ADAMTS17: variants seen among roughly 807,000 people sequenced by gnomAD.
The protein encoded by ADAMTS17 is ADAM metallopeptidase with thrombospondin type 1 motif 17, also known as A disintegrin and metalloproteinase with thrombospondin motifs 17.
Under a neutral mutation model 141.5 loss-of-function variants are expected in ADAMTS17, and 113 were observed. The ratio of observed to expected loss-of-function variants is 0.80; its 90% CI spans 0.69 to 0.93. The LOEUF (loss-of-function observed/expected upper bound fraction) is 0.93. Ranked by LOEUF, ADAMTS17 falls within the 40% of genes least tolerant of loss-of-function variation. The probability of loss-of-function intolerance (pLI) is 0.00; values close to 1 mark genes in which losing one functional copy is unlikely to be tolerated. For synonymous variants in ADAMTS17, 768 were observed against 630.6 expected (o/e 1.22, Z -3.27); for missense variants, 1,659 against 1,517.9 (o/e 1.09, Z -1.54).
chr15:100,053,268 C>A (rs910505703), intron 16 of ADAMTS17, among the ~76,000 whole-genome samples: 1 of 152,308 alleles, frequency 6.6e-6, no homozygotes, highest in South Asian at 2.1e-4. Context: ...AAGGAGGCAT[C>A]ACTGATGTTT....
At chr15:100,280,898 G>A (rs1372459069) in intron 4 of ADAMTS17, among the ~76,000 whole-genome samples, 1 of 152,148 alleles carries the variant, frequency 6.6e-6, no homozygotes, top group Non-Finnish European at 1.5e-5. Flanking sequence ...GGACTCCTTG[G>A]AGCAGGGTCT....
chr15:100,082,728 G>C lies in ADAMTS17; in HGVS notation c.2137+13628C>G, dbSNP rs80232799. ...TAAATCTTTCTACAAATAGTTATTA[G>C]AGAACTTATATTATTTGAGTTACTT... is the stretch of plus-strand genomic sequence containing the variant. On this transcript the variant is annotated intron_variant, in intron 15 of 21. Transcript: ENST00000268070. Among the ~76,000 whole-genome samples the C allele has an allele frequency of 5.0e-4, 75 of 148,924 alleles. 1 individual carries two copies. Among genetic ancestry groups the C allele is most frequent in the African/African-American group, 1.7e-3 (71 of 40,744 alleles).
At chr15:100,082,745 G>A (rs1303631562) in intron 15 of ADAMTS17, among the ~76,000 whole-genome samples, 1 of 144,010 alleles carries the variant, frequency 6.9e-6, no homozygotes, top group African/African-American at 2.5e-5. Context: ...TATATTATTT[G>A]AGTTACTTTT....
chr15:100,158,221 A>G (rs1312622349), intron 8 of ADAMTS17, among the ~76,000 whole-genome samples: 5 of 152,134 alleles, frequency 3.3e-5, no homozygotes, highest in Admixed American at 6.6e-5. Flanking sequence ...TATTTTTTCA[A>G]TGCAATTACT....
chr15:100,108,967 G>T, intron 14 of ADAMTS17, 22 bp downstream of exon 14: 1 of 1,613,102 alleles, frequency 6.2e-7, no homozygotes, highest in East Asian at 2.2e-5. Context: ...CCCCACCAAG[G>T]ACCGAAGGAG....
chr15:100,273,453 C>T (rs1173697731), intron 4 of ADAMTS17, among the ~76,000 whole-genome samples: 1 of 151,908 alleles, frequency 6.6e-6, no homozygotes, highest in Non-Finnish European at 1.5e-5. Context: ...GGAATTTGTC[C>T]ACTTCATCTA....
At chr15:100,074,569 G>A (rs1476613475) in intron 15 of ADAMTS17, among the ~76,000 whole-genome samples, 1 of 151,894 alleles carries the variant, frequency 6.6e-6, no homozygotes, top group African/African-American at 2.4e-5. Flanking sequence ...TCCCATCTCA[G>A]AATAAACCTC....
intron 20 of ADAMTS17, among the ~76,000 whole-genome samples, chr15:99,986,160 A>AG (rs1339447749): frequency 6.6e-6 from 1 of 152,170 alleles, no homozygotes. Context: ...AGGGTGGGGC[A>AG]GGGGGGTTCA....
At chr15:100,142,169 T>C (rs2038687336) in intron 10 of ADAMTS17, among the ~76,000 whole-genome samples, 1 of 152,204 alleles carries the variant, frequency 6.6e-6, no homozygotes, top group African/African-American at 2.4e-5. Flanking sequence ...ACTCTAGCAA[T>C]CCACCAGGTT....
intron 18 of ADAMTS17, among the ~76,000 whole-genome samples, chr15:100,025,301 C>A (rs76451139): frequency 1.3e-5 from 2 of 152,056 alleles, no homozygotes; most frequent in African/African-American, 2.4e-5. Flanking sequence ...CCCTGGAATA[C>A]CTTTATTTTT....
chr15:100,165,832 C>A (rs34115183), intron 8 of ADAMTS17, among the ~76,000 whole-genome samples: 2,456 of 152,274 alleles, frequency 0.016, 67 homozygotes, highest in African/African-American at 0.055. Flanking sequence ...CTCTGCCCCC[C>A]CTCAGGACAA....
chr15:100,105,576 C>T (rs909242060), intron 14 of ADAMTS17, among the ~76,000 whole-genome samples: 70 of 152,242 alleles, frequency 4.6e-4, no homozygotes, highest in Admixed American at 8.5e-4. Context: ...TTCATACCAA[C>T]GTGATAGTAT....
Position 100,187,167 on chromosome 15 carries a change from T to G in ADAMTS17, c.1181+12151A>C, listed in dbSNP as rs143426324. ...CATCCCTGGTGTGTAAGGTGAGACT[T>G]GCTGGGCCATTGAGACGGAGATAAG... is the stretch of plus-strand genomic sequence containing the variant. On this transcript the variant is annotated intron_variant, in intron 8 of 21. Transcript: ENST00000268070. 4.4e-3 allele frequency among the ~76,000 whole-genome samples: 667 copies of G among 152,278 alleles called. 3 individuals carry two copies. Among genetic ancestry groups the G allele is most frequent in the Non-Finnish European group, 7.0e-3 (476 of 68,020 alleles).
chr15:99,993,041 C>A lies in ADAMTS17; in HGVS notation c.2949+7G>T. ...CACGGAGAGAAATGCCAGCAGGCTG[C>A]TCTCACCGTAGACCAGTCCCCAGTT... On this transcript the variant is annotated splice_region_variant and intron_variant, in intron 20 of 21. Coordinates refer to ENST00000268070, the MANE Select transcript of ADAMTS17 (RefSeq NM_139057.4). This position sits in a 1 kb window ranked among gnomAD's most constrained non-coding sequence, Gnocchi z 4.3. 1 of 1,614,100 alleles carries A rather than the reference C, an allele frequency of 6.2e-7. No individual in the cohort carries two copies. The highest frequency in any genetic ancestry group is 8.5e-7 in the Non-Finnish European group (1 of 1,180,036).
intron 14 of ADAMTS17, among the ~76,000 whole-genome samples, chr15:100,096,945 CTT>C (rs1161712269): frequency 6.6e-6 from 1 of 152,228 alleles, no homozygotes; most frequent in Non-Finnish European, 1.5e-5. Flanking sequence ...AAACCACAGA[CTT>C]TTCTAACAAG....
At chr15:100,049,495 G>C (rs886550023) in intron 17 of ADAMTS17, among the ~76,000 whole-genome samples, 1 of 152,188 alleles carries the variant, frequency 6.6e-6, no homozygotes, top group Non-Finnish European at 1.5e-5. Flanking sequence ...AGGCATTCCA[G>C]AGCCATTCTG....
At chr15:100,028,654 G>A (rs571966250) in intron 18 of ADAMTS17, among the ~76,000 whole-genome samples, 22 of 152,334 alleles carry the variant, frequency 1.4e-4, no homozygotes, top group African/African-American at 3.4e-4. Context: ...GTCCCCTGTC[G>A]TACAGACAGG....
intron 15 of ADAMTS17, among the ~76,000 whole-genome samples, chr15:100,082,456 C>A (rs1482050450): frequency 6.6e-6 from 1 of 151,532 alleles, no homozygotes; most frequent in Admixed American, 6.6e-5. Context: ...TCTCAGCTAA[C>A]TGTAACCTCT....
chr15:100,339,272 C>G (rs2046294399), intron 2 of ADAMTS17: 1 of 637,728 alleles, frequency 1.6e-6, no homozygotes, highest in African/African-American at 2.0e-5. Context: ...GATTTTAAAT[C>G]AATGTTATCC....
Sources: gnomAD v4.1 joint callset for allele counts (sites outside exome capture counted in the v4.1 genomes callset) on GRCh38, gnomAD v4.1.1 for gene constraint, Gnocchi (gnomAD v3.1) non-coding constraint, MANE v1.5 for transcripts, NCBI Gene and HGNC (gene_info 2026-07-23, HGNC 2026-07-21) for gene names.